The following ABI2 variants were observed in gnomAD, a reference collection of about 807,000 sequenced individuals.
ABI2 encodes the protein abl interactor 2, also known as abelson interactor 2.
ABI2 carries 25 observed loss-of-function variants against 59.2 expected under a neutral mutation model. That is an observed-to-expected ratio of 0.42 (90% CI 0.31 to 0.59). The LOEUF (loss-of-function observed/expected upper bound fraction) is 0.59, where lower values mean the gene tolerates loss of function less well. ABI2 is among the 20% of genes least tolerant of loss of function. ABI2 has a pLI of 0.14. For synonymous variants in ABI2, 213 were observed against 235.5 expected, an observed-to-expected ratio of 0.90 and a Z score of 0.87; for missense variants, 545 against 681.8, an observed-to-expected ratio of 0.80 and a Z score of 2.23.
intron 1 of ABI2, among the ~76,000 whole-genome samples, chr2:203,330,816 C>G (rs1424576180): frequency 1.3e-5 from 2 of 152,118 alleles, no homozygotes; most frequent in Non-Finnish European, 2.9e-5. Flanking sequence ...ACAAGTTCCT[C>G]TTAAGTTATA....
intron 1 of ABI2, among the ~76,000 whole-genome samples, chr2:203,351,256 TTTAA>T (rs1559188592): frequency 6.6e-6 from 1 of 152,214 alleles, no homozygotes; most frequent in East Asian, 1.9e-4. Flanking sequence ...CTTTTATAGT[TTTAA>T]AATTGTGACG....
At chr2:203,339,255 G>A (rs2078450536) in intron 1 of ABI2, among the ~76,000 whole-genome samples, 1 of 151,472 alleles carries the variant, frequency 6.6e-6, no homozygotes, top group Non-Finnish European at 1.5e-5. Context: ...CTTGTGTGCA[G>A]TGAGAATGTA....
intron 2 of ABI2, chr2:203,374,701 A>T (rs1265974485): frequency 2.7e-6 from 1 of 377,338 alleles, no homozygotes; most frequent in East Asian, 7.5e-5. Context: ...ACATAATTTG[A>T]AGCATAATTG....
intron 1 of ABI2, among the ~76,000 whole-genome samples, chr2:203,363,839 A>C (rs1173917190): frequency 6.6e-6 from 1 of 152,002 alleles, no homozygotes; most frequent in African/African-American, 2.4e-5. Flanking sequence ...ATCTCGGCTC[A>C]CTGCAACCTC....
intron 11 of ABI2, among the ~76,000 whole-genome samples, chr2:203,423,882 T>C (rs932804671): frequency 1.3e-5 from 2 of 152,240 alleles, no homozygotes; most frequent in African/African-American, 4.8e-5. Flanking sequence ...TATTCTAGAA[T>C]GTATTCAATT....
chr2:203,344,564 T>G (rs575879514), intron 1 of ABI2, among the ~76,000 whole-genome samples: 6,148 of 18,376 alleles, frequency 0.33, 282 homozygotes, highest in African/African-American at 0.44. Context: ...TGTTGTTGTT[T>G]TTGTTTTTTT....
intron 2 of ABI2, chr2:203,376,145 C>A: frequency 6.6e-7 from 1 of 1,520,492 alleles, no homozygotes; most frequent in Non-Finnish European, 8.8e-7. Context: ...AAGGGACCAG[C>A]TAATTAGTCC....
rs1015516006 is a variant in ABI2, at chr2:203,396,961, C to A, written c.1027C>A (p.Pro343Thr). The stretch of plus-strand genomic sequence containing the variant: ...TCCCCCTGTTGTTTCTTCCACTCCC[C>A]CTACAGGTAAGTATTTGCTTATTCA... ...PTPPVVSSTP[P>T]TGHPVQFYSM... Residue 343 changes from proline to threonine, a missense_variant, in exon 8 of 12, where the codon CCT becomes ACT. This residue lies in a region of ABI2 where 410 missense variants were observed against 435.6 expected (regional missense o/e 0.94). Coordinates refer to ENST00000261018, the MANE Select transcript of ABI2 (RefSeq NM_001375670.1). The A allele has an allele frequency of 6.7e-7, 1 of 1,497,524 alleles. No homozygotes were observed. Among genetic ancestry groups the A allele is most frequent in the Non-Finnish European group, 8.9e-7 (1 of 1,129,034 alleles). 92.8% of individuals were successfully genotyped at this position (1,497,524 alleles called of 1,614,324 possible). A position where few individuals can be genotyped will look rare whatever the true frequency, so the allele number is the denominator to read the frequency against.
At chr2:203,331,367 T>TTTTTTTTTTTTTTTG (rs1198154445) in intron 1 of ABI2, among the ~76,000 whole-genome samples, 1 of 146,290 alleles carries the variant, frequency 6.8e-6, no homozygotes, top group African/African-American at 2.5e-5. Flanking sequence ...TTTTTTTTTT[T>TTTTTTTTTTTTTTTG]TCTGAGACAG....
chr2:203,360,331 A>G (rs1269967293), intron 1 of ABI2, among the ~76,000 whole-genome samples: 1 of 152,198 alleles, frequency 6.6e-6, no homozygotes, highest in Non-Finnish European at 1.5e-5. Context: ...TCGGTTATCA[A>G]TGATAAAGGT....
Position 203,427,167 on chromosome 2 carries a change from TC to T in ABI2, c.1454-7del. ...TCTTTCACATCCTGTTTTGTTTTCT[TC>T]CCTCCTAGTTGTGGCAATTTATGAC... On this transcript the variant is annotated splice_polypyrimidine_tract_variant and intron_variant, in intron 11 of 11. Coordinates refer to ENST00000261018, the MANE Select transcript of ABI2 (RefSeq NM_001375670.1). 32 of 1,611,342 alleles carry T rather than the reference TC, an allele frequency of 2.0e-5. No individual in the cohort carries two copies. Among genetic ancestry groups the T allele is most frequent in the Non-Finnish European group, 2.6e-5 (31 of 1,178,200 alleles).
intron 10 of ABI2, among the ~76,000 whole-genome samples, chr2:203,413,869 G>A (rs1262450619): frequency 6.7e-6 from 1 of 148,398 alleles, no homozygotes; most frequent in Admixed American, 6.8e-5. Flanking sequence ...GAAGAAGTCT[G>A]GAATAATTTG....
chr2:203,387,146 A>G (rs1052419561), intron 4 of ABI2, among the ~76,000 whole-genome samples: 3 of 149,650 alleles, frequency 2.0e-5, no homozygotes, highest in African/African-American at 4.9e-5. Flanking sequence ...TATACCACAC[A>G]TAACATTTTA....
At chr2:203,336,164 G>A (rs956256464) in intron 1 of ABI2, among the ~76,000 whole-genome samples, 2 of 152,158 alleles carry the variant, frequency 1.3e-5, no homozygotes, top group Non-Finnish European at 2.9e-5. Flanking sequence ...TAATATTCTA[G>A]AGTATGAAAG....
intron 11 of ABI2, 90 bp from the exon 12 acceptor site, chr2:203,427,087 T>G: frequency 1.7e-6 from 2 of 1,156,752 alleles, no homozygotes; most frequent in Middle Eastern, 2.2e-4. Flanking sequence ...GCTACAGGAT[T>G]TGGGAACAGA....
chr2:203,384,764 G>A (rs989857491), intron 4 of ABI2, among the ~76,000 whole-genome samples: 63 of 151,674 alleles, frequency 4.2e-4, no homozygotes, highest in Non-Finnish European at 2.5e-4. Flanking sequence ...TTAATCAAAA[G>A]TAATAAAAAC....
chr2:203,366,743 T>C (rs1323696878), intron 1 of ABI2, 134 bp from the exon 2 acceptor site: 11 of 832,398 alleles, frequency 1.3e-5, no homozygotes, highest in Admixed American at 6.7e-5. Flanking sequence ...CCAGTAGTTT[T>C]CAATTCTGGT....
At chr2:203,418,447 G>A (rs1162902622) in intron 11 of ABI2, among the ~76,000 whole-genome samples, 3 of 152,224 alleles carry the variant, frequency 2.0e-5, no homozygotes, top group Non-Finnish European at 2.9e-5. Context: ...AGGCTCACTC[G>A]TGGTTATTGG....
intron 4 of ABI2, among the ~76,000 whole-genome samples, chr2:203,385,876 C>T (rs2096485013): frequency 6.6e-6 from 1 of 152,318 alleles, no homozygotes; most frequent in Middle Eastern, 3.4e-3. Context: ...ACCTGTTTCT[C>T]TTTCCTCTTA....
Sources: gnomAD v4.1 joint callset for allele counts (sites outside exome capture counted in the v4.1 genomes callset) on GRCh38, gnomAD v4.1.1 for gene constraint, gnomAD v4.1.1 regional missense constraint, MANE v1.5 for transcripts, NCBI Gene and HGNC (gene_info 2026-07-23, HGNC 2026-07-21) for gene names.